CUL5: variants seen among roughly 807,000 people sequenced by gnomAD.
CUL5 encodes cullin-5.
In CUL5, 26 loss-of-function variants were observed where a neutral mutation model predicts 108.8. That is an observed-to-expected ratio of 0.24 (90% confidence interval 0.18 to 0.33). The LOEUF (loss-of-function observed/expected upper bound fraction) is 0.33, where lower values mean the gene tolerates loss of function less well. Among genes scored for constraint, CUL5 ranks in the 10% least tolerant of loss-of-function variants. The pLI is 1.00. For missense variants in CUL5, 524 were observed against 909.2 expected, an observed-to-expected ratio of 0.58 and a Z score of 5.45; for synonymous variants, 334 against 298.0, an observed-to-expected ratio of 1.12 and a Z score of -1.25.
intron 1 of CUL5, among the ~76,000 whole-genome samples, chr11:108,022,130 C>T (rs1862341952): frequency 6.6e-6 from 1 of 152,126 alleles, no homozygotes; most frequent in South Asian, 2.1e-4. Flanking sequence ...TCTCTGTTTT[C>T]TTTTAAATGC....
At chr11:108,069,685 T>A (rs1863774548) in intron 7 of CUL5, among the ~76,000 whole-genome samples, 1 of 152,210 alleles carries the variant, frequency 6.6e-6, no homozygotes, top group Admixed American at 6.5e-5. Context: ...CTTATTCTTG[T>A]CTCTTAAATA....
rs1210180338 is a variant in CUL5, at chr11:108,039,352, TCCTTCTGTGTCTTTCTCCTCAC to T, written c.134+5460_134+5481del. Among the ~76,000 whole-genome samples, 5 of 152,126 alleles carry T rather than the reference TCCTTCTGTGTCTTTCTCCTCAC, an allele frequency of 3.3e-5. No homozygotes were observed. The East Asian group carries it at 7.7e-4, about 23-fold the overall frequency. The stretch of plus-strand genomic sequence containing the variant: ...GCTTATGAACTCCAGTCATGAACAC[TCCTTCTGTGTCTTTCTCCTCAC>T]CCTTCTGTGTCTTTCTCCCCACCTT... On this transcript the variant is annotated intron_variant, in intron 2 of 18. Transcript: ENST00000393094.
At chr11:108,026,862 A>T (rs1170067349) in intron 1 of CUL5, among the ~76,000 whole-genome samples, 1 of 151,472 alleles carries the variant, frequency 6.6e-6, no homozygotes, top group Non-Finnish European at 1.5e-5. Context: ...GGTGGCGGGC[A>T]CCTGTATTCC....
At chr11:108,075,822 C>T (rs966949767) in intron 10 of CUL5, among the ~76,000 whole-genome samples, 4 of 152,174 alleles carry the variant, frequency 2.6e-5, no homozygotes, top group African/African-American at 9.7e-5. Flanking sequence ...CCCTGGCCCC[C>T]TTTCCCTTTA....
At chr11:108,055,492 C>A (rs1465268229) in intron 7 of CUL5, among the ~76,000 whole-genome samples, 2 of 151,984 alleles carry the variant, frequency 1.3e-5, no homozygotes, top group Non-Finnish European at 2.9e-5. Context: ...TGCTCTGTTG[C>A]CTAGGGTGGA....
At chr11:108,099,098 G>T (rs574288287) in intron 18 of CUL5, among the ~76,000 whole-genome samples, 1 of 146,508 alleles carries the variant, frequency 6.8e-6, no homozygotes, top group Admixed American at 7.0e-5. Flanking sequence ...TCAACTCCCT[G>T]GGCTCAAAGG....
intron 7 of CUL5, among the ~76,000 whole-genome samples, chr11:108,055,179 G>A (rs1467229096): frequency 1.3e-5 from 2 of 152,078 alleles, no homozygotes; most frequent in Non-Finnish European, 2.9e-5. Flanking sequence ...TGCCATACCT[G>A]TTCTAGACTT....
intron 13 of CUL5, among the ~76,000 whole-genome samples, chr11:108,090,606 T>G (rs932863558): frequency 6.6e-6 from 1 of 152,230 alleles, no homozygotes; most frequent in African/African-American, 2.4e-5. Flanking sequence ...TAAATACTTC[T>G]GTATAGCAAA....
intron 7 of CUL5, among the ~76,000 whole-genome samples, chr11:108,061,298 A>G (rs1470358033): frequency 1.3e-5 from 2 of 152,224 alleles, no homozygotes; most frequent in Admixed American, 1.3e-4. Context: ...AAGAGGAATA[A>G]CATGATCTCT....
chr11:108,100,171 G>A (rs1864618688), intron 18 of CUL5, among the ~76,000 whole-genome samples: 1 of 152,066 alleles, frequency 6.6e-6, no homozygotes, highest in Admixed American at 6.6e-5. Flanking sequence ...TGGTAGTGGT[G>A]GAACTTGCCC....
At chr11:108,047,206 A>G (rs1863088925) in intron 3 of CUL5, among the ~76,000 whole-genome samples, 1 of 151,910 alleles carries the variant, frequency 6.6e-6, no homozygotes, top group African/African-American at 2.4e-5. Flanking sequence ...GGTTGCAGCC[A>G]CTCGAGAGGC....
chr11:108,019,143 A>T (rs61916871), intron 1 of CUL5, among the ~76,000 whole-genome samples: 1 of 130,318 alleles, frequency 7.7e-6, no homozygotes, highest in Non-Finnish European at 1.5e-5. Flanking sequence ...AGCAAATGCT[A>T]TGCCATTTTC....
At chr11:108,072,907 T>A (rs1346072267) in intron 9 of CUL5, among the ~76,000 whole-genome samples, 2 of 152,116 alleles carry the variant, frequency 1.3e-5, no homozygotes, top group Middle Eastern at 3.2e-3. Flanking sequence ...TACTATTTTC[T>A]CTGTAAAACA....
At chr11:108,093,071 C>T (rs555396283) in intron 13 of CUL5, among the ~76,000 whole-genome samples, 19 of 152,322 alleles carry the variant, frequency 1.2e-4, no homozygotes, top group Non-Finnish European at 2.6e-4. Context: ...CCGCCTCAGC[C>T]TCCCAAAGTG....
chr11:108,025,536 A>G (rs1448621657), intron 1 of CUL5, among the ~76,000 whole-genome samples: 1 of 152,182 alleles, frequency 6.6e-6, no homozygotes. Context: ...TGGCTCCACT[A>G]TAGACTCAAT....
chr11:108,032,449 A>G (rs1317418763), intron 1 of CUL5, among the ~76,000 whole-genome samples: 1 of 152,196 alleles, frequency 6.6e-6, no homozygotes, highest in Non-Finnish European at 1.5e-5. Flanking sequence ...TCAAGGCTAC[A>G]GTTAGCTATG....
chr11:108,039,025 T>C (rs1862820375), intron 2 of CUL5, among the ~76,000 whole-genome samples: 1 of 152,116 alleles, frequency 6.6e-6, no homozygotes, highest in Admixed American at 6.6e-5. Flanking sequence ...TTTTTTTTTT[T>C]TCTTTTTAAA....
chr11:108,026,921 G>A lies in CUL5; in HGVS notation c.25-6881G>A, dbSNP rs148272506. Reference sequence around the variant, plus strand: ...GGAAAACCACTTGAACTTGGGAGGCGGAGGTTGCAGTGAGCAGAGATCACG... The same window carrying A: ...GGAAAACCACTTGAACTTGGGAGGCAGAGGTTGCAGTGAGCAGAGATCACG... On this transcript the variant is annotated intron_variant, in intron 1 of 18. Transcript: ENST00000393094. 5.5e-3 allele frequency among the ~76,000 whole-genome samples: 825 copies of A among 150,080 alleles called. 5 individuals carry two copies. The highest frequency in any genetic ancestry group is 0.018 in the African/African-American group (731 of 40,778).
chr11:108,069,850 C>A (rs1393615335), intron 7 of CUL5, among the ~76,000 whole-genome samples: 2 of 152,198 alleles, frequency 1.3e-5, no homozygotes, highest in African/African-American at 4.8e-5. Flanking sequence ...TCTCTCCCCT[C>A]CTTGAGGACT....
Sources: gnomAD v4.1 joint callset for allele counts (sites outside exome capture counted in the v4.1 genomes callset) on GRCh38, gnomAD v4.1.1 for gene constraint, MANE v1.5 for transcripts, NCBI Gene and HGNC (gene_info 2026-07-23, HGNC 2026-07-21) for gene names.